AGMO: variants seen among roughly 807,000 people sequenced by gnomAD.
AGMO encodes alkylglycerol monooxygenase, also known as glyceryl-ether monooxygenase.
In AGMO, 75 loss-of-function variants were observed where a neutral mutation model predicts 60.2. That is an observed-to-expected ratio of 1.25 (90% confidence interval 1.03 to 1.51). The LOEUF is 1.51. Among genes scored for constraint, AGMO ranks in the 40% most tolerant of loss-of-function variants. The probability of loss-of-function intolerance (pLI) is 0.00; values close to 1 mark genes in which losing one functional copy is unlikely to be tolerated. For synonymous variants in AGMO, 261 were observed against 177.1 expected (o/e 1.47, Z -3.76); for missense variants, 763 against 525.5 (o/e 1.45, Z -4.42).
chr7:15,269,284 A>C (rs745933688), intron 12 of AGMO, among the ~76,000 whole-genome samples: 2 of 152,126 alleles, frequency 1.3e-5, no homozygotes, highest in Admixed American at 6.6e-5. Context: ...TCTTCCAGTG[A>C]GTATAACGCA....
At chr7:15,376,619 C>A (rs991968888) in intron 10 of AGMO, among the ~76,000 whole-genome samples, 2 of 151,958 alleles carry the variant, frequency 1.3e-5, no homozygotes, top group African/African-American at 4.8e-5. Context: ...ATTATAAGAC[C>A]TTATTGAATA....
intron 9 of AGMO, among the ~76,000 whole-genome samples, chr7:15,387,177 C>T (rs1265179866): frequency 1.3e-5 from 2 of 152,202 alleles, no homozygotes; most frequent in Non-Finnish European, 2.9e-5. Flanking sequence ...CACTGCTCCA[C>T]AATCTGTGCT....
At chr7:15,535,221 A>G (rs1784458715) in intron 3 of AGMO, among the ~76,000 whole-genome samples, 1 of 151,762 alleles carries the variant, frequency 6.6e-6, no homozygotes, top group African/African-American at 2.4e-5. Flanking sequence ...TTAGATGAAC[A>G]TTTCATTTTC....
At chr7:15,318,746 C>T (rs1362614871) in intron 12 of AGMO, among the ~76,000 whole-genome samples, 1 of 152,124 alleles carries the variant, frequency 6.6e-6, no homozygotes, top group African/African-American at 2.4e-5. Flanking sequence ...GAATTATATT[C>T]TACATTGGCT....
chr7:15,234,748 C>T (rs1174815340), intron 12 of AGMO, among the ~76,000 whole-genome samples: 1 of 152,204 alleles, frequency 6.6e-6, no homozygotes, highest in African/African-American at 2.4e-5. Context: ...TGCTATGTTT[C>T]AATAAAATTT....
At chr7:15,456,210 T>C (rs899765977) in intron 3 of AGMO, among the ~76,000 whole-genome samples, 1 of 152,156 alleles carries the variant, frequency 6.6e-6, no homozygotes, top group South Asian at 2.1e-4. Context: ...CTTTGTTCTC[T>C]GTATTTTTGT....
chr7:15,124,751 A>T, the AGMO span, among the ~76,000 whole-genome samples: 1 of 152,098 alleles, frequency 6.6e-6, no homozygotes, highest in Non-Finnish European at 1.5e-5. Flanking sequence ...AATATCAATT[A>T]ACCACTTCTC....
intron 3 of AGMO, among the ~76,000 whole-genome samples, chr7:15,482,983 T>C (rs1446317019): frequency 6.6e-6 from 1 of 152,190 alleles, no homozygotes; most frequent in Non-Finnish European, 1.5e-5. Context: ...ATTTCCTCTA[T>C]TTTATAAGTA....
intron 3 of AGMO, among the ~76,000 whole-genome samples, chr7:15,506,003 A>G (rs1783504048): frequency 6.6e-6 from 1 of 152,058 alleles, no homozygotes; most frequent in Non-Finnish European, 1.5e-5. Context: ...TTTAGAAAAG[A>G]ACCAGAAAAT....
chr7:15,174,334 G>A, the AGMO span, among the ~76,000 whole-genome samples: 52 of 152,096 alleles, frequency 3.4e-4, 1 homozygote, highest in South Asian at 5.4e-3. Context: ...TGGTATTAGG[G>A]GAGGAACGAT....
chr7:15,130,633 T>C, the AGMO span, among the ~76,000 whole-genome samples: 3 of 152,138 alleles, frequency 2.0e-5, no homozygotes, highest in Non-Finnish European at 4.4e-5. Flanking sequence ...AGGATATTAA[T>C]AGTTAAATTA....
intron 3 of AGMO, among the ~76,000 whole-genome samples, chr7:15,466,452 ACATCTAATTTT>A (rs1372010476): frequency 2.0e-5 from 3 of 152,192 alleles, no homozygotes; most frequent in Non-Finnish European, 4.4e-5. Context: ...TGCTATTAAC[ACATCTAATTTT>A]CACAACTTCC....
In AGMO at chr7:15,312,302, A is replaced by G. The variant is rs572802018; in HGVS notation, c.1263+53212T>C. Among the ~76,000 whole-genome samples the G allele has an allele frequency of 7.1e-4, 108 of 152,322 alleles. 1 individual carries two copies. Among genetic ancestry groups the G allele is most frequent in the Admixed American group, 1.4e-3 (21 of 15,290 alleles). ...AATTCCAAGCATGATAAATAAAAAG[A>G]AAGCCAAGCCTAAGTACATAATATT... On this transcript the variant is annotated intron_variant, in intron 12 of 12. Coordinates refer to ENST00000342526, the MANE Select transcript of AGMO (RefSeq NM_001004320.2).
chr7:15,533,314 C>A (rs1562558702), intron 3 of AGMO, among the ~76,000 whole-genome samples: 1 of 151,982 alleles, frequency 6.6e-6, no homozygotes, highest in East Asian at 1.9e-4. Context: ...GTTGCATTTT[C>A]ATTTGCCATT....
intron 12 of AGMO, among the ~76,000 whole-genome samples, chr7:15,311,755 A>G (rs1390783675): frequency 3.3e-5 from 5 of 152,236 alleles, no homozygotes; most frequent in African/African-American, 4.8e-5. Context: ...GAACACACAC[A>G]AACAGTGGAA....
At chr7:15,380,599 T>C (rs74774531) in intron 10 of AGMO, among the ~76,000 whole-genome samples, 5,706 of 152,230 alleles carry the variant, frequency 0.037, 357 homozygotes, top group African/African-American at 0.13. Context: ...AAGCAATTTA[T>C]AGAATCAATG....
intron 10 of AGMO, among the ~76,000 whole-genome samples, chr7:15,382,074 AAT>A (rs1241227753): frequency 6.6e-6 from 1 of 152,086 alleles, no homozygotes; most frequent in Non-Finnish European, 1.5e-5. Flanking sequence ...TACTAGGCTT[AAT>A]ACCTAGATGA....
intron 2 of AGMO, among the ~76,000 whole-genome samples, chr7:15,549,533 C>T (rs1237415795): frequency 1.3e-5 from 2 of 151,724 alleles, no homozygotes; most frequent in African/African-American, 2.4e-5. Context: ...TCTGATAGAA[C>T]AGACTTTAAA....
intron 3 of AGMO, among the ~76,000 whole-genome samples, chr7:15,542,609 C>A (rs993451523): frequency 3.3e-5 from 5 of 152,072 alleles, no homozygotes; most frequent in African/African-American, 1.2e-4. Flanking sequence ...TAATATAGTA[C>A]AATATAAATG....
Sources: gnomAD v4.1 joint callset for allele counts (sites outside exome capture counted in the v4.1 genomes callset) on GRCh38, gnomAD v4.1.1 for gene constraint, MANE v1.5 for transcripts, NCBI Gene and HGNC (gene_info 2026-07-23, HGNC 2026-07-21) for gene names.